PCDH15: variants seen among roughly 807,000 people sequenced by gnomAD.
The protein encoded by PCDH15 is protocadherin related 15, also known as protocadherin-15.
Under a neutral mutation model 178.5 loss-of-function variants are expected in PCDH15, and 129 were observed. The ratio of observed to expected loss-of-function variants is 0.72; its 90% confidence interval spans 0.63 to 0.84. The LOEUF (loss-of-function observed/expected upper bound fraction) is 0.84, where lower values mean the gene tolerates loss of function less well. Among genes scored for constraint, PCDH15 ranks in the 40% least tolerant of loss-of-function variants. The pLI is 0.00. For missense variants in PCDH15, 2,230 were observed against 2,099.9 expected, an observed-to-expected ratio of 1.06 and a Z score of -1.21; for synonymous variants, 800 against 732.0, an observed-to-expected ratio of 1.09 and a Z score of -1.50.
intron 1 of PCDH15, among the ~76,000 whole-genome samples, chr10:54,762,765 C>T (rs1047725657): frequency 3.3e-5 from 5 of 151,700 alleles, no homozygotes; most frequent in Non-Finnish European, 4.4e-5. Flanking sequence ...TTTAGCTAGC[C>T]TTTTTTAAAG....
intron 2 of PCDH15, among the ~76,000 whole-genome samples, chr10:55,489,148 T>TC (rs1376057436): frequency 6.6e-6 from 1 of 151,528 alleles, no homozygotes; most frequent in African/African-American, 2.4e-5. Flanking sequence ...TTATTTTCTT[T>TC]TAAAAGAAAA....
chr10:55,032,486 GTTAT>G (rs1420791594), intron 2 of PCDH15, among the ~76,000 whole-genome samples: 1 of 152,148 alleles, frequency 6.6e-6, no homozygotes, highest in Non-Finnish European at 1.5e-5. Flanking sequence ...GCTTGTGGGA[GTTAT>G]TTATACCCTG....
chr10:53,814,524 A>G (rs551525704), intron 35 of PCDH15, among the ~76,000 whole-genome samples: 1 of 152,176 alleles, frequency 6.6e-6, no homozygotes, highest in Non-Finnish European at 1.5e-5. Context: ...ACTCAGCAAG[A>G]TAGCCCTTGA....
chr10:55,441,974 C>A (rs1309953553), intron 2 of PCDH15, among the ~76,000 whole-genome samples: 4 of 152,056 alleles, frequency 2.6e-5, no homozygotes, highest in Non-Finnish European at 5.9e-5. Flanking sequence ...GGAATGCTGA[C>A]AGCCCCCAGC....
intron 26 of PCDH15, among the ~76,000 whole-genome samples, chr10:53,876,671 T>C (rs970954026): frequency 7.9e-5 from 12 of 152,012 alleles, no homozygotes; most frequent in Admixed American, 5.2e-4. Context: ...AAGAAACATT[T>C]TAAATATGCA....
At chr10:55,059,216 C>A (rs1352179692) in intron 2 of PCDH15, among the ~76,000 whole-genome samples, 2 of 151,962 alleles carry the variant, frequency 1.3e-5, no homozygotes, top group African/African-American at 2.4e-5. Flanking sequence ...AAAAAGGAGG[C>A]CATAGTACTT....
rs879797564 is a variant in PCDH15 at position 55,221,872 on chromosome 10, AT to A, written c.-155-55222del. Among the ~76,000 whole-genome samples the A allele has an allele frequency of 1.8e-3, 265 of 146,224 alleles. 3 individuals carry two copies. Among genetic ancestry groups the A allele is most frequent in the Middle Eastern group, 0.01 (3 of 286 alleles). The stretch of plus-strand genomic sequence containing the variant: ...CTATAATTTATTTATTTTTATCATT[AT>A]TTTTTTTTTTTGAAATGGAGTCTCA... On this transcript the variant is annotated intron_variant, in intron 1 of 5. Coordinates refer to the PCDH15 transcript ENST00000458638.
At chr10:55,594,696 T>C (rs1181944630) in intron 2 of PCDH15, among the ~76,000 whole-genome samples, 1 of 151,992 alleles carries the variant, frequency 6.6e-6, no homozygotes, top group African/African-American at 2.4e-5. Flanking sequence ...AAAAACAGGA[T>C]TTTTACTATG....
intron 2 of PCDH15, among the ~76,000 whole-genome samples, chr10:54,609,421 G>C (rs1193896100): frequency 6.6e-6 from 1 of 151,950 alleles, no homozygotes; most frequent in Non-Finnish European, 1.5e-5. Flanking sequence ...CATTACCTAT[G>C]CTTCATAAAA....
At chr10:54,966,197 A>T (rs1264612645) in intron 2 of PCDH15, among the ~76,000 whole-genome samples, 1 of 151,994 alleles carries the variant, frequency 6.6e-6, no homozygotes, top group Non-Finnish European at 1.5e-5. Context: ...AATTTTTTTA[A>T]AAAAATATTG....
chr10:54,450,235 C>T (rs2076390718), intron 3 of PCDH15, among the ~76,000 whole-genome samples: 1 of 149,384 alleles, frequency 6.7e-6, no homozygotes, highest in Non-Finnish European at 1.5e-5. Context: ...TGTTGGTGTG[C>T]TGCACCCATT....
intron 3 of PCDH15, among the ~76,000 whole-genome samples, chr10:54,478,448 T>C (rs1254693714): frequency 6.6e-6 from 1 of 152,160 alleles, no homozygotes; most frequent in African/African-American, 2.4e-5. Flanking sequence ...TATTTTATTT[T>C]TCAAGATAAA....
intron 13 of PCDH15, among the ~76,000 whole-genome samples, chr10:54,165,959 CAT>C (rs142921193): frequency 0.07 from 10,699 of 152,108 alleles, 885 homozygotes; most frequent in African/African-American, 0.2. Context: ...GTTACAGAAA[CAT>C]AAAAATACTT....
rs960296690 is a variant in PCDH15, at chr10:54,638,168, G to GA, written c.91+26003dup. ...GAACCCTGATGACTGATGGTCTCAT[G>GA]AAAAAAAAGATCTTTATTTTCAGCT... On this transcript the variant is annotated intron_variant, in intron 2 of 37. Coordinates refer to ENST00000644397, the MANE Select transcript of PCDH15 (RefSeq NM_001384140.1). Among the ~76,000 whole-genome samples, 20 of 151,382 alleles carry GA rather than the reference G, an allele frequency of 1.3e-4. No homozygotes were observed. In the East Asian group the frequency reaches 2.1e-3, roughly 16 times the overall value.
chr10:54,014,176 G>C (rs753254801), intron 20 of PCDH15, among the ~76,000 whole-genome samples: 6 of 152,034 alleles, frequency 3.9e-5, no homozygotes, highest in South Asian at 2.1e-4. Context: ...AGAGGAAATG[G>C]ATACATTCCT....
chr10:53,822,302 T>A (rs753289924), intron 32 of PCDH15: 1 of 1,609,848 alleles, frequency 6.2e-7, no homozygotes, highest in African/African-American at 1.3e-5. Context: ...GTAGAAGAGG[T>A]GGTGTTGGGG....
chr10:53,858,564 GT>G (rs1483385699), intron 27 of PCDH15, among the ~76,000 whole-genome samples: 2 of 152,150 alleles, frequency 1.3e-5, no homozygotes, highest in African/African-American at 2.4e-5. Context: ...TTTGTAAAAT[GT>G]TTGCAACTAG....
intron 2 of PCDH15, among the ~76,000 whole-genome samples, chr10:55,061,945 G>A (rs1401690921): frequency 1.3e-5 from 2 of 152,186 alleles, no homozygotes; most frequent in Non-Finnish European, 1.5e-5. Context: ...ACTTGAACCC[G>A]GGATGGGGAG....
At chr10:54,707,729 C>T (rs2095380050) in intron 1 of PCDH15, among the ~76,000 whole-genome samples, 1 of 152,112 alleles carries the variant, frequency 6.6e-6, no homozygotes, top group Admixed American at 6.6e-5. Context: ...TTCATTTCAA[C>T]AAACACACAT....
Sources: gnomAD v4.1 joint callset for allele counts (sites outside exome capture counted in the v4.1 genomes callset) on GRCh38, gnomAD v4.1.1 for gene constraint, MANE v1.5 for transcripts, NCBI Gene and HGNC (gene_info 2026-07-23, HGNC 2026-07-21) for gene names.